Variants in MSRA observed in about 807,000 individuals in gnomAD.
MSRA encodes the protein mitochondrial peptide methionine sulfoxide reductase.
MSRA carries 54 observed loss-of-function variants against 31.3 expected under a neutral mutation model. The ratio of observed to expected loss-of-function variants is 1.73; its 90% confidence interval spans 1.39 to 2.17. MSRA has a LOEUF of 2.17. Ranked by LOEUF, MSRA falls within the 30% of genes most tolerant of loss-of-function variation. MSRA has a pLI of 0.00. For synonymous variants in MSRA, 169 were observed against 116.5 expected (o/e 1.45, Z -2.90); for missense variants, 507 against 300.9 (o/e 1.69, Z -5.07).
At chr8:10,374,338 G>T (rs553578596) in intron 5 of MSRA, among the ~76,000 whole-genome samples, 2 of 152,316 alleles carry the variant, frequency 1.3e-5, no homozygotes, top group Admixed American at 1.3e-4. Context: ...ACCAGCGGGA[G>T]TGGGAAGACC....
chr8:10,054,812 A>T (rs1802228196), intron 1 of MSRA, among the ~76,000 whole-genome samples, 154 bp downstream of exon 1: 1 of 152,192 alleles, frequency 6.6e-6, no homozygotes, highest in African/African-American at 2.4e-5. Context: ...GGGCGCCGGC[A>T]GTGGCCGGGG....
rs58263674 is a variant in MSRA at position 10,390,979 on chromosome 8, G to GAAA, written c.544-37157_544-37155dup. 1.3e-3 allele frequency among the ~76,000 whole-genome samples: 185 copies of GAAA among 138,670 alleles called. 5 individuals are homozygous for GAAA. The highest frequency in any genetic ancestry group is 2.4e-3 in the Admixed American group (33 of 14,018). 91.0% of individuals were successfully genotyped at this position (138,670 alleles called of 152,430 possible). A position where few individuals can be genotyped will look rare whatever the true frequency, so the allele number is the denominator to read the frequency against. Reference sequence around the variant, plus strand: ...CGATAAGTGAGACTCTGTCTCAAAAGAAAAAAAAAAAAAACAGCACAAGGT... The same window carrying GAAA: ...CGATAAGTGAGACTCTGTCTCAAAAGAAAAAAAAAAAAAAAAACAGCACAAGGT... On this transcript the variant is annotated intron_variant, in intron 5 of 5. Transcript: ENST00000317173.
chr8:10,276,253 C>T (rs1388954384), intron 3 of MSRA, among the ~76,000 whole-genome samples: 3 of 152,176 alleles, frequency 2.0e-5, no homozygotes, highest in South Asian at 2.1e-4. Context: ...GCTCAGTGGC[C>T]GAGCACATGG....
intron 5 of MSRA, among the ~76,000 whole-genome samples, chr8:10,379,662 C>G (rs1261601758): frequency 6.6e-6 from 1 of 152,180 alleles, no homozygotes. Context: ...TTTGTTTTGA[C>G]AAGACCTATA....
At chr8:10,205,634 C>A (rs1808892984) in intron 1 of MSRA, among the ~76,000 whole-genome samples, 1 of 152,094 alleles carries the variant, frequency 6.6e-6, no homozygotes, top group Non-Finnish European at 1.5e-5. Context: ...CTATAATTTT[C>A]ATTTGTTTGA....
At chr8:10,085,994 A>T (rs1171331955) in intron 1 of MSRA, among the ~76,000 whole-genome samples, 5 of 152,068 alleles carry the variant, frequency 3.3e-5, no homozygotes, top group Non-Finnish European at 2.9e-5. Flanking sequence ...TCCAGTTTTG[A>T]GGTATTATGA....
At chr8:10,409,350 G>C (rs1808016896) in intron 5 of MSRA, among the ~76,000 whole-genome samples, 1 of 152,122 alleles carries the variant, frequency 6.6e-6, no homozygotes, top group African/African-American at 2.4e-5. Flanking sequence ...ATATGCTTGT[G>C]GGCCGTTTGT....
chr8:10,176,693 T>C (rs980164373), intron 1 of MSRA, among the ~76,000 whole-genome samples: 33 of 152,234 alleles, frequency 2.2e-4, no homozygotes, highest in African/African-American at 8.0e-4. Context: ...GGCCATCCTC[T>C]TTAGATTCCA....
intron 5 of MSRA, among the ~76,000 whole-genome samples, chr8:10,368,036 G>A (rs1422645857): frequency 3.3e-5 from 5 of 152,196 alleles, no homozygotes; most frequent in Admixed American, 2.0e-4. Flanking sequence ...CTGCCGGACG[G>A]TAGAATTCCC....
intron 3 of MSRA, among the ~76,000 whole-genome samples, chr8:10,266,504 A>G (rs899950735): frequency 6.6e-6 from 1 of 152,056 alleles, no homozygotes; most frequent in South Asian, 2.1e-4. Flanking sequence ...AGACATAATG[A>G]TTTGCAAATA....
chr8:10,198,172 T>A (rs1808164340), intron 1 of MSRA, among the ~76,000 whole-genome samples: 1 of 152,062 alleles, frequency 6.6e-6, no homozygotes, highest in South Asian at 2.1e-4. Flanking sequence ...TTAAGAAAAA[T>A]TTGGGAATAA....
At chr8:10,262,797 C>T (rs558203606) in intron 3 of MSRA, among the ~76,000 whole-genome samples, 1 of 152,308 alleles carries the variant, frequency 6.6e-6, no homozygotes, top group African/African-American at 2.4e-5. Flanking sequence ...TCAATATTCT[C>T]CCAGAAAGTC....
chr8:10,382,476 A>G (rs1321278497), intron 5 of MSRA, among the ~76,000 whole-genome samples: 1 of 152,164 alleles, frequency 6.6e-6, no homozygotes, highest in Non-Finnish European at 1.5e-5. Flanking sequence ...CTTGACCTGC[A>G]AGGAGGCAGG....
At chr8:10,187,048 G>C (rs933361387) in intron 1 of MSRA, among the ~76,000 whole-genome samples, 1 of 152,242 alleles carries the variant, frequency 6.6e-6, no homozygotes, top group East Asian at 1.9e-4. Context: ...GACTTACTTT[G>C]AGCTTAACTG....
chr8:10,301,396 T>G, intron 3 of MSRA, 138 bp from the exon 4 acceptor site: 1 of 636,106 alleles, frequency 1.6e-6, no homozygotes, highest in Admixed American at 2.9e-5. Flanking sequence ...GACTCTTAGC[T>G]AAAGTCTAAT....
intron 1 of MSRA, among the ~76,000 whole-genome samples, chr8:10,062,519 G>A (rs1049972472): frequency 2.0e-5 from 3 of 152,154 alleles, no homozygotes; most frequent in Non-Finnish European, 4.4e-5. Context: ...ATAAATACTT[G>A]TTGAAAGACT....
intron 1 of MSRA, among the ~76,000 whole-genome samples, chr8:10,139,012 A>T (rs1055568133): frequency 2.0e-5 from 3 of 152,192 alleles, no homozygotes; most frequent in African/African-American, 7.2e-5. Flanking sequence ...TGGGTGTTAC[A>T]TTAGGCCAGT....
chr8:10,333,978 T>C (rs1802863659), intron 5 of MSRA, among the ~76,000 whole-genome samples: 2 of 152,196 alleles, frequency 1.3e-5, no homozygotes, highest in South Asian at 4.1e-4. Flanking sequence ...GAATTTCACC[T>C]ATCAGATTAG....
At chr8:10,184,000 A>ATAGGTGGTGGTGGTGTTGGTGGTGTTGGT (rs1806793014) in intron 1 of MSRA, among the ~76,000 whole-genome samples, 1 of 149,364 alleles carries the variant, frequency 6.7e-6, no homozygotes, top group African/African-American at 2.5e-5. Flanking sequence ...TTTCTTGGCT[A>ATAGGTGGTGGTGGTGTTGGTGGTGTTGGT]CTAGGTGGTG....
Sources: gnomAD v4.1 joint callset for allele counts (sites outside exome capture counted in the v4.1 genomes callset) on GRCh38, gnomAD v4.1.1 for gene constraint, MANE v1.5 for transcripts, NCBI Gene and HGNC (gene_info 2026-07-23, HGNC 2026-07-21) for gene names.